C12orf42: variants seen among roughly 807,000 people sequenced by gnomAD.
C12orf42 encodes chromosome 12 open reading frame 42.
A neutral mutation model predicts 21.6 loss-of-function variants in C12orf42; 25 were observed. The observed-to-expected ratio is 1.16, with a 90% CI of 0.84 to 1.62. The LOEUF is 1.62. Among genes scored for constraint, C12orf42 ranks in the 40% most tolerant of loss-of-function variants. The probability of loss-of-function intolerance (pLI) is 0.00; values close to 1 mark genes in which losing one functional copy is unlikely to be tolerated. For synonymous variants in C12orf42, 174 were observed against 175.0 expected (o/e 0.99, Z 0.05); for missense variants, 483 against 459.3 (o/e 1.05, Z -0.47).
intron 3 of C12orf42, among the ~76,000 whole-genome samples, chr12:103,386,024 G>C (rs1378173674): frequency 1.3e-5 from 2 of 152,210 alleles, no homozygotes; most frequent in Non-Finnish European, 2.9e-5. Flanking sequence ...ATGCCTGGCA[G>C]CACGGTTCTA....
the C12orf42 span, among the ~76,000 whole-genome samples, chr12:103,194,742 C>T: frequency 6.6e-6 from 1 of 152,106 alleles, no homozygotes; most frequent in Non-Finnish European, 1.5e-5. Flanking sequence ...GTACATGCTA[C>T]CCAAAGTGAT....
rs149525160 is a variant in C12orf42 at position 103,311,285 on chromosome 12, G to A, written c.260-4940C>T. On this transcript the variant is annotated intron_variant, in intron 4 of 5. Transcript: ENST00000548883. ...TGATGTTGGGACAGGTGGTGACTAC[G>A]CTTATTTATTTAGTTATTCAATCAA... Among the ~76,000 whole-genome samples the A allele has an allele frequency of 4.7e-3, 718 of 151,764 alleles. 13 individuals carry two copies. Among genetic ancestry groups the A allele is most frequent in the Admixed American group, 0.032 (482 of 15,216 alleles).
intron 2 of C12orf42, among the ~76,000 whole-genome samples, chr12:103,408,605 C>T (rs2138852841): frequency 6.6e-6 from 1 of 152,294 alleles, no homozygotes; most frequent in South Asian, 2.1e-4. Flanking sequence ...GATTATAAAA[C>T]TGATTCCTCC....
chr12:103,290,428 C>T (rs1011089434), intron 4 of C12orf42, among the ~76,000 whole-genome samples: 2 of 152,150 alleles, frequency 1.3e-5, no homozygotes, highest in African/African-American at 2.4e-5. Flanking sequence ...GAAGATGACA[C>T]TCAAAAGAGG....
At chr12:103,535,373 A>G in the C12orf42 span, among the ~76,000 whole-genome samples, 1 of 143,942 alleles carries the variant, frequency 6.9e-6, no homozygotes, top group Non-Finnish European at 1.5e-5. Context: ...CATAACTTAT[A>G]TTATATATAA....
chr12:103,167,881 T>C, the C12orf42 span, among the ~76,000 whole-genome samples: 1 of 49,004 alleles, frequency 2.0e-5, no homozygotes, highest in East Asian at 5.5e-4. Context: ...GGGGTGGGCG[T>C]GTGTGTGTGT....
the C12orf42 span, among the ~76,000 whole-genome samples, chr12:103,054,973 A>C: frequency 2.0e-5 from 3 of 151,740 alleles, no homozygotes; most frequent in African/African-American, 7.2e-5. Flanking sequence ...CTATTTGTTT[A>C]TATTTTCTTG....
chr12:103,356,719 A>C (rs574941965), intron 4 of C12orf42, among the ~76,000 whole-genome samples: 44 of 151,998 alleles, frequency 2.9e-4, no homozygotes, highest in African/African-American at 1.1e-3. Context: ...TTGCCATTCT[A>C]ACTGGTGTGA....
the C12orf42 span, among the ~76,000 whole-genome samples, chr12:103,554,208 A>C: frequency 2.0e-5 from 3 of 152,172 alleles, no homozygotes; most frequent in African/African-American, 7.2e-5. Context: ...CTATGTTAAC[A>C]AAATCAGGGC....
the C12orf42 span, chr12:103,168,344 A>G: frequency 3.6e-6 from 1 of 280,768 alleles, no homozygotes; most frequent in East Asian, 1.0e-4. Flanking sequence ...TAACATATTT[A>G]AGAGCCTGAT....
At chr12:103,302,680 G>C in intron 5 of C12orf42, 121 bp from the exon 6 acceptor site, 3 of 467,720 alleles carry the variant, frequency 6.4e-6, no homozygotes, top group Non-Finnish European at 3.5e-6. Flanking sequence ...AGAGGGGAAA[G>C]AAAAAAAAAA....
chr12:103,460,590 G>A (rs968964375), intron 2 of C12orf42, among the ~76,000 whole-genome samples: 1 of 152,120 alleles, frequency 6.6e-6, no homozygotes, highest in African/African-American at 2.4e-5. Context: ...TGCCCTTAAA[G>A]GTTTCTGAAG....
At chr12:103,260,044 T>A (rs1365217976) in intron 10 of C12orf42, among the ~76,000 whole-genome samples, 2 of 152,198 alleles carry the variant, frequency 1.3e-5, no homozygotes, top group East Asian at 3.8e-4. Flanking sequence ...TATAAAATAT[T>A]GTCATTAACC....
At position 103,437,951 on chromosome 12, in the gene C12orf42, A is replaced by C. The variant is rs200468586; in HGVS notation, c.79-36276T>G. Among the ~76,000 whole-genome samples, 1,686 of 148,952 alleles carry C rather than the reference A, an allele frequency of 0.011. 165 individuals are homozygous for C. The East Asian group carries it at 0.24, about 22-fold the overall frequency. On this transcript the variant is annotated intron_variant, in intron 2 of 5. Coordinates refer to ENST00000548883, the MANE Select transcript of C12orf42 (RefSeq NM_198521.5). ...TACCAAAGCCTGGCAGAGACACAAC[A>C]AAAAAAGAGAATTTTAGACCAATAT... is the stretch of plus-strand genomic sequence containing the variant.
chr12:103,512,344 G>C, the C12orf42 span, among the ~76,000 whole-genome samples: 1 of 152,088 alleles, frequency 6.6e-6, no homozygotes, highest in Admixed American at 6.6e-5. Flanking sequence ...AAGGCAGATT[G>C]GTTAATGGGT....
At chr12:103,225,330 G>A in the C12orf42 span, among the ~76,000 whole-genome samples, 1 of 152,152 alleles carries the variant, frequency 6.6e-6, no homozygotes, top group Non-Finnish European at 1.5e-5. Flanking sequence ...TGGGGGAATT[G>A]TAAGGAGAGT....
intron 2 of C12orf42, among the ~76,000 whole-genome samples, chr12:103,445,465 G>A (rs1951520804): frequency 6.6e-6 from 1 of 151,962 alleles, no homozygotes; most frequent in Non-Finnish European, 1.5e-5. Flanking sequence ...GGTTTTTGGT[G>A]TGCCTGCTGC....
intron 2 of C12orf42, among the ~76,000 whole-genome samples, chr12:103,406,358 A>G (rs909285788): frequency 4.6e-5 from 7 of 152,222 alleles, no homozygotes; most frequent in African/African-American, 1.7e-4. Flanking sequence ...TGTATGGTCA[A>G]GAAAAGACAT....
At chr12:103,213,802 C>A in the C12orf42 span, among the ~76,000 whole-genome samples, 3 of 152,176 alleles carry the variant, frequency 2.0e-5, no homozygotes, top group African/African-American at 7.2e-5. Context: ...GACTATGAGT[C>A]CCCCAGCTGT....
Sources: allele counts gnomAD v4.1 joint callset (sites outside exome capture counted in the v4.1 genomes callset), GRCh38; gene constraint gnomAD v4.1.1; transcripts MANE v1.5; gene names NCBI Gene and HGNC (gene_info 2026-07-23, HGNC 2026-07-21).